ENOX2: variants seen among roughly 807,000 people sequenced by gnomAD.
The protein encoded by ENOX2 is ecto-NOX disulfide-thiol exchanger 2, also known as APK1 antigen.
In ENOX2, 36 loss-of-function variants were observed where a neutral mutation model predicts 45.0. The observed-to-expected ratio is 0.80, with a 90% confidence interval of 0.61 to 1.06. The LOEUF (loss-of-function observed/expected upper bound fraction) is 1.06. ENOX2 is among the 50% of genes least tolerant of loss of function. The pLI is 0.00. For missense variants in ENOX2, 423 were observed against 462.5 expected (o/e 0.91, Z 0.78); for synonymous variants, 174 against 152.3 (o/e 1.14, Z -1.05).
intron 3 of ENOX2, among the ~76,000 whole-genome samples, chrX:130,762,270 A>G (rs1157475446): frequency 8.9e-6 from 1 of 112,047 alleles, no homozygotes; most frequent in Non-Finnish European, 1.9e-5. Context: ...ATTTTCATTC[A>G]GTTCAATGTG....
chrX:130,722,591 G>A (rs897219679), intron 3 of ENOX2, among the ~76,000 whole-genome samples: 1 of 112,356 alleles, frequency 8.9e-6, no homozygotes, highest in Non-Finnish European at 1.9e-5. Flanking sequence ...GGTTAAGCAT[G>A]TAGTTACTAA....
chrX:130,645,590 A>G lies in ENOX2; in HGVS notation c.1130-8180T>C, dbSNP rs1424307887. 19 of 319,407 alleles carry G rather than the reference A, an allele frequency of 5.9e-5. No individual in the cohort carries two copies. The Admixed American group carries it at 1.0e-3, about 17-fold the overall frequency. The allele number at this position is 319,407 out of a possible 1,213,427, so 26.3% of individuals were successfully genotyped here. A position where few individuals can be genotyped will look rare whatever the true frequency, so the allele number is the denominator to read the frequency against. On this transcript the variant is annotated intron_variant, in intron 10 of 14. Transcript: ENST00000394363. ...AAACCCAGAAAAAGAGACATTTTTA[A>G]AATGGATCAAAGCAGACTGGGCCGC...
intron 2 of ENOX2, among the ~76,000 whole-genome samples, chrX:130,852,424 A>G (rs1018375449): frequency 6.2e-5 from 7 of 112,381 alleles, no homozygotes; most frequent in Middle Eastern, 4.6e-3. Flanking sequence ...ACAGTGAACA[A>G]ATCCATAGAT....
chrX:130,902,785 G>GA (rs1361797760), intron 1 of ENOX2, among the ~76,000 whole-genome samples: 631 of 57,085 alleles, frequency 0.011, 6 homozygotes, highest in African/African-American at 0.024. Context: ...GGCGTCGTGG[G>GA]AAAAAAAAAA....
At chrX:130,644,752 G>C (rs1333308790) in intron 10 of ENOX2, among the ~76,000 whole-genome samples, 1 of 111,609 alleles carries the variant, frequency 9.0e-6, no homozygotes, top group Non-Finnish European at 1.9e-5. Context: ...AGGAGGAAGG[G>C]ATGAAAAGGT....
intron 10 of ENOX2, among the ~76,000 whole-genome samples, chrX:130,652,898 C>G (rs1382269083): frequency 8.9e-6 from 1 of 112,168 alleles, no homozygotes; most frequent in Non-Finnish European, 1.9e-5. Context: ...GATTCTCCCT[C>G]ACAAGGAACT....
chrX:130,635,008 T>G lies in ENOX2; in HGVS notation c.1395A>C (p.Lys465Asn). The G allele has an allele frequency of 1.7e-6, 2 of 1,181,948 alleles. No homozygotes were observed. The highest frequency in any genetic ancestry group is 2.3e-6 in the Non-Finnish European group (2 of 870,613). Residue 465 changes from lysine to asparagine, a missense_variant, in exon 12 of 15, where the codon AAA becomes AAC. Physicochemically the swap from Lys to Asn is moderately conservative, Grantham distance 94. This residue lies in a region of ENOX2 where 108 missense variants were observed against 70.6 expected (regional missense o/e 1.53). Coordinates refer to ENST00000394363, the MANE Select transcript of ENOX2 (RefSeq NM_006375.4). ...KLKDDKLQVE[K>N]MLENLKEKES... is the part of the protein sequence containing the mutation. ...CCTTTTCTTTAAGATTTTCCAACAT[T>G]TTTTCCACCTGTAACTTGTCATCTT...
At chrX:130,754,311 C>T (rs1043860172) in intron 3 of ENOX2, among the ~76,000 whole-genome samples, 3 of 112,047 alleles carry the variant, frequency 2.7e-5, no homozygotes, top group African/African-American at 6.5e-5. Flanking sequence ...CTTTGGCTTG[C>T]GAAAAATGCA....
intron 3 of ENOX2, among the ~76,000 whole-genome samples, chrX:130,724,429 G>A (rs189678220): frequency 1.8e-5 from 2 of 112,783 alleles, no homozygotes; most frequent in Admixed American, 1.9e-4. Context: ...ATGTCGGAGC[G>A]ATGCTGTGAA....
At chrX:130,641,197 G>GA (rs1446827294) in intron 10 of ENOX2, among the ~76,000 whole-genome samples, 6 of 111,322 alleles carry the variant, frequency 5.4e-5, no homozygotes, top group African/African-American at 1.3e-4. Flanking sequence ...GAAAATCAAA[G>GA]AAAAAATCTT....
chrX:130,669,638 G>A lies in ENOX2; in HGVS notation c.694+327C>T, dbSNP rs765987489. Among the ~76,000 whole-genome samples the A allele has an allele frequency of 1.4e-3, 152 of 112,029 alleles. 1 individual carries two copies. The highest frequency in any genetic ancestry group is 2.6e-3 in the Non-Finnish European group (137 of 53,198). On this transcript the variant is annotated intron_variant, in intron 7 of 14. Coordinates refer to ENST00000394363, the MANE Select transcript of ENOX2 (RefSeq NM_006375.4). ...ACTTGTATCCACTATAAAAGAGGGC[G>A]CTTACAGGTCCCAAGTCATAGATCA...
At chrX:130,720,194 A>G (rs1362466375) in intron 3 of ENOX2, among the ~76,000 whole-genome samples, 1 of 112,526 alleles carries the variant, frequency 8.9e-6, no homozygotes, top group African/African-American at 3.2e-5. Context: ...TGTGGCTACA[A>G]AACAACTGTC....
chrX:130,896,617 T>C (rs1357723522), intron 2 of ENOX2, among the ~76,000 whole-genome samples: 1 of 112,111 alleles, frequency 8.9e-6, no homozygotes, highest in Non-Finnish European at 1.9e-5. Context: ...CAATAATTCA[T>C]CGAATGAAGT....
chrX:130,821,634 ATAC>A (rs1293864510), intron 2 of ENOX2, among the ~76,000 whole-genome samples: 1 of 87,542 alleles, frequency 1.1e-5, no homozygotes, highest in Non-Finnish European at 2.2e-5. Context: ...TGGCACATGT[ATAC>A]ATATGTAACT....
At chrX:130,824,374 G>A (rs1381954408) in intron 2 of ENOX2, among the ~76,000 whole-genome samples, 3 of 111,400 alleles carry the variant, frequency 2.7e-5, no homozygotes, top group African/African-American at 9.8e-5. Context: ...CATTTTTAGT[G>A]ATAGCAACTC....
In ENOX2 at chrX:130,807,990, A is replaced by C. The variant is rs73635967; in HGVS notation, c.-182-24300T>G. On this transcript the variant is annotated intron_variant, in intron 2 of 14. Transcript: ENST00000394363. ...GTCAACAGATAACCTGATACATAGC[A>C]AAAATACTCAGTAAAAATGAGTTGA... is the stretch of plus-strand genomic sequence containing the variant. Among the ~76,000 whole-genome samples the C allele has an allele frequency of 3.9e-3, 441 of 112,773 alleles. 3 individuals carry two copies. The highest frequency in any genetic ancestry group is 0.014 in the African/African-American group (425 of 31,130).
intron 2 of ENOX2, among the ~76,000 whole-genome samples, chrX:130,816,287 A>C (rs12687504): frequency 0.12 from 13,650 of 110,656 alleles, 790 homozygotes; most frequent in East Asian, 0.25. Context: ...AGATACCTAC[A>C]AAGAGACTTA....
intron 10 of ENOX2, among the ~76,000 whole-genome samples, chrX:130,656,379 T>C (rs937517756): frequency 1.8e-5 from 2 of 112,360 alleles, no homozygotes; most frequent in Non-Finnish European, 3.8e-5. Flanking sequence ...ATGCAAGGTA[T>C]GGATAAGTGA....
intron 3 of ENOX2, among the ~76,000 whole-genome samples, chrX:130,704,271 A>C (rs958664269): frequency 8.9e-6 from 1 of 111,870 alleles, no homozygotes; most frequent in African/African-American, 3.3e-5. Context: ...TACTTCATGG[A>C]GAAAATAGGA....
Sources: gnomAD v4.1 joint callset for allele counts (sites outside exome capture counted in the v4.1 genomes callset) on GRCh38, gnomAD v4.1.1 for gene constraint, gnomAD v4.1.1 regional missense constraint, MANE v1.5 for transcripts, NCBI Gene and HGNC (gene_info 2026-07-23, HGNC 2026-07-21) for gene names.